VWA3B: variants seen among roughly 807,000 people sequenced by gnomAD.
VWA3B encodes the protein von Willebrand factor A domain-containing protein 3B.
A neutral mutation model predicts 158.3 loss-of-function variants in VWA3B; 138 were observed. That is an observed-to-expected ratio of 0.87 (90% CI 0.76 to 1.00). The LOEUF is 1.00. VWA3B is among the 50% of genes least tolerant of loss of function. The pLI is 0.00. For missense variants in VWA3B, 1,555 were observed against 1,565.1 expected (o/e 0.99, Z 0.11); for synonymous variants, 596 against 587.3 (o/e 1.01, Z -0.21).
chr2:98,210,536 A>G (rs1396868889), intron 12 of VWA3B, among the ~76,000 whole-genome samples: 9 of 152,174 alleles, frequency 5.9e-5, no homozygotes. Context: ...AATGAAAGGG[A>G]GTAAAGCTGA....
At position 98,270,805 on chromosome 2, in the gene VWA3B, T is replaced by C. The variant is rs368492542; in HGVS notation, c.2967T>C (p.Ala989=). The change falls in exon 22 of 28, where the codon GCT becomes GCC. Residue 989 remains alanine (A), a synonymous_variant. Transcript: ENST00000477737. ...CGATGCTGGAAAGTGAAATCCTAGC[T>C]GGGAAAATGTACATCCAGCAGGCCA... The part of the protein sequence containing the change: ...ELSMLESEIL[A]GKMYIQQAME... The C allele has an allele frequency of 6.2e-7, 1 of 1,614,122 alleles. No individual in the cohort carries two copies. The highest frequency in any genetic ancestry group is 1.1e-5 in the South Asian group (1 of 91,078).
At chr2:98,108,909 G>C (rs1029325387) in intron 2 of VWA3B, among the ~76,000 whole-genome samples, 1 of 150,436 alleles carries the variant, frequency 6.6e-6, no homozygotes, top group East Asian at 1.9e-4. Flanking sequence ...TCTGTTTTTG[G>C]CTTGTCTGTT....
chr2:98,302,589 TAC>T (rs1558778228), intron 25 of VWA3B, among the ~76,000 whole-genome samples: 2 of 152,166 alleles, frequency 1.3e-5, no homozygotes, highest in African/African-American at 4.8e-5. Context: ...CCAAGCGCTT[TAC>T]ACAGAGTGGA....
rs1685700624 is a variant in VWA3B at position 98,236,573 on chromosome 2, G to A, written c.2517-1G>A. On this transcript the variant is annotated splice_acceptor_variant, in intron 18 of 27. Transcript: ENST00000477737. LOFTEE classifies it high-confidence loss of function. ...AAAACACCACCTCCTTGTGTTCTTA[G>A]TTCTTCAGATGTGTCTTCAGAAAAC... 1.2e-6 allele frequency: 2 copies of A among 1,614,062 alleles called. No individual in the cohort carries two copies. The highest frequency in any genetic ancestry group is 1.3e-5 in the African/African-American group (1 of 74,924).
chr2:98,152,521 CCTT>C (rs992506780), intron 7 of VWA3B, among the ~76,000 whole-genome samples: 47 of 152,248 alleles, frequency 3.1e-4, no homozygotes, highest in African/African-American at 1.1e-3. Flanking sequence ...TTTGGGGACT[CCTT>C]CTCAGTAAGG....
intron 3 of VWA3B, among the ~76,000 whole-genome samples, chr2:98,116,477 A>C (rs1375706107): frequency 6.6e-6 from 1 of 151,840 alleles, no homozygotes; most frequent in African/African-American, 2.4e-5. Flanking sequence ...ACGTAATCCT[A>C]TGTGTCTCAG....
chr2:98,317,331 A>AC (rs11409838), downstream of VWA3B, among the ~76,000 whole-genome samples: 27,835 of 150,780 alleles, frequency 0.18, 2,764 homozygotes, highest in Admixed American at 0.29. Context: ...AAAATTCTAA[A>AC]CCCCCCCCAG....
intron 26 of VWA3B, among the ~76,000 whole-genome samples, chr2:98,309,237 A>G (rs867515359): frequency 1.3e-5 from 2 of 152,226 alleles, no homozygotes; most frequent in East Asian, 1.9e-4. Context: ...TAAAAAAATA[A>G]TAACTTTCCA....
Position 98,096,761 on chromosome 2 carries a change from G to T in VWA3B, c.196+3473G>T, listed in dbSNP as rs529058307. 3.3e-5 allele frequency among the ~76,000 whole-genome samples: 5 copies of T among 152,186 alleles called. No individual in the cohort carries two copies. In the East Asian group the frequency reaches 9.6e-4, roughly 29 times the overall value. On this transcript the variant is annotated intron_variant, in intron 2 of 27. Coordinates refer to ENST00000477737, the MANE Select transcript of VWA3B (RefSeq NM_144992.5). ...CCTTTGTATTTCTGTGGCATCAGTT[G>T]TAATTTTTCCTTTTTTACCTCTGAT...
intron 12 of VWA3B, chr2:98,207,632 T>C (rs375886958): frequency 2.1e-6 from 1 of 473,580 alleles, no homozygotes; most frequent in Non-Finnish European, 4.1e-6. Context: ...CAGATTTTGA[T>C]AGGTGAACAT....
intron 16 of VWA3B, among the ~76,000 whole-genome samples, chr2:98,233,312 G>C (rs1685460405): frequency 6.6e-6 from 1 of 152,334 alleles, no homozygotes; most frequent in Non-Finnish European, 1.5e-5. Context: ...AGAGTCCGGG[G>C]AGGGGCTAAA....
rs183731473 is a variant in VWA3B, at chr2:98,147,019, C to T, written c.988+13080C>T. Among the ~76,000 whole-genome samples the T allele has an allele frequency of 5.7e-4, 87 of 152,276 alleles. 1 individual carries two copies. Among genetic ancestry groups the T allele is most frequent in the African/African-American group, 2.0e-3 (84 of 41,548 alleles). On this transcript the variant is annotated intron_variant, in intron 7 of 27. Transcript: ENST00000477737. ...CATTTAAATAAAATTGATAAAGTAT[C>T]ATTTGAATACTTAGCCCATCTATTC...
At chr2:98,104,210 C>G (rs1270801448) in intron 2 of VWA3B, among the ~76,000 whole-genome samples, 2 of 152,072 alleles carry the variant, frequency 1.3e-5, no homozygotes. Flanking sequence ...GTGTCTTTAT[C>G]CATTTGTGTT....
intron 25 of VWA3B, 42 bp downstream of exon 25, chr2:98,300,258 ATGCCAGGCTGTATCCTGGCAC>A (rs764235229): frequency 1.1e-4 from 173 of 1,611,024 alleles, no homozygotes; most frequent in South Asian, 8.7e-4. Flanking sequence ...CTCCTGGGCA[ATGCCAGGCTGTATCCTGGCAC>A]TGCCAGGCTT....
intron 26 of VWA3B, among the ~76,000 whole-genome samples, chr2:98,309,156 C>T (rs1574328858): frequency 1.4e-5 from 2 of 139,106 alleles, no homozygotes. Flanking sequence ...GGCGACAGAG[C>T]GAGACTCTGT....
intron 19 of VWA3B, among the ~76,000 whole-genome samples, chr2:98,239,391 A>T (rs1156865822): frequency 1.3e-5 from 2 of 151,914 alleles, no homozygotes; most frequent in Non-Finnish European, 2.9e-5. Context: ...AAATGAAAAA[A>T]ATCAGAATAT....
At chr2:98,187,664 CTGTG>C (rs3066239) in intron 9 of VWA3B, among the ~76,000 whole-genome samples, 50,916 of 141,506 alleles carry the variant, frequency 0.36, 10,307 homozygotes, top group East Asian at 0.66. Context: ...GTCTCTGTGT[CTGTG>C]TGTGTGTGTG....
chr2:98,181,267 G>A (rs1680558536), intron 9 of VWA3B, 55 bp downstream of exon 9: 1 of 1,580,798 alleles, frequency 6.3e-7, no homozygotes, highest in Non-Finnish European at 8.6e-7. Flanking sequence ...GTCCTGGGTG[G>A]GTGAGGCCTC....
chr2:98,323,585 C>T, the VWA3B span, among the ~76,000 whole-genome samples: 1 of 151,694 alleles, frequency 6.6e-6, no homozygotes. Context: ...ATTCGAGAAG[C>T]CTAAGGAACC....
Sources: allele counts gnomAD v4.1 joint callset (sites outside exome capture counted in the v4.1 genomes callset), GRCh38; gene constraint gnomAD v4.1.1; transcripts MANE v1.5; gene names NCBI Gene and HGNC (gene_info 2026-07-23, HGNC 2026-07-21).